Variants in NLRP2 observed in about 807,000 individuals in gnomAD.
NLRP2 encodes the protein NACHT, LRR and PYD domains-containing protein 2.
A neutral mutation model predicts 97.2 loss-of-function variants in NLRP2; 107 were observed. The observed-to-expected ratio is 1.10, with a 90% CI of 0.94 to 1.29. The LOEUF (loss-of-function observed/expected upper bound fraction) is 1.29, where lower values mean the gene tolerates loss of function less well. Among genes scored for constraint, NLRP2 ranks in the 50% most tolerant of loss-of-function variants. The pLI is 0.00. For missense variants in NLRP2, 1,495 were observed against 1,330.3 expected (o/e 1.12, Z -1.93); for synonymous variants, 663 against 551.5 (o/e 1.20, Z -2.83).
chr19:54,999,292 C>A (rs2073051262), intron 12 of NLRP2, among the ~76,000 whole-genome samples: 1 of 152,092 alleles, frequency 6.6e-6, no homozygotes, highest in Non-Finnish European at 1.5e-5. Context: ...GGACTACAGG[C>A]ATGTGCCACC....
At chr19:54,987,698 C>T (rs1360534863) in intron 8 of NLRP2, among the ~76,000 whole-genome samples, 1 of 150,338 alleles carries the variant, frequency 6.7e-6, no homozygotes, top group Non-Finnish European at 1.5e-5. Context: ...GCTGAGATCA[C>T]ACCACCGCAC....
Position 54,997,490 on chromosome 19 carries a change from A to T in NLRP2, c.3050+3A>T. The T allele has an allele frequency of 6.2e-7, 1 of 1,614,142 alleles. No individual in the cohort carries two copies. The highest frequency in any genetic ancestry group is 8.5e-7 in the Non-Finnish European group (1 of 1,180,002). On this transcript the variant is annotated splice_donor_region_variant and intron_variant, in intron 12 of 12. Coordinates refer to ENST00000448584, the MANE Select transcript of NLRP2 (RefSeq NM_017852.5). ...AGTGGCACCCTCCGGACACTCAGGT[A>T]TGATCCATTTACTTCCCCATCAGGC...
intron 2 of NLRP2, among the ~76,000 whole-genome samples, chr19:54,971,803 A>C (rs2070869866): frequency 6.6e-6 from 1 of 152,050 alleles, no homozygotes; most frequent in Non-Finnish European, 1.5e-5. Context: ...TAAAAATAAC[A>C]ATACAATAAA....
intron 1 of NLRP2, among the ~76,000 whole-genome samples, chr19:54,969,229 C>T (rs2070687565): frequency 6.6e-6 from 1 of 152,068 alleles, no homozygotes; most frequent in Admixed American, 6.6e-5. Context: ...ATTAGAAAAA[C>T]TAGCTGGGCA....
Position 54,990,513 on chromosome 19 carries a change from G to C in NLRP2, c.2549G>C (p.Cys850Ser), listed in dbSNP as rs1422671836. The C allele has an allele frequency of 6.2e-7, 1 of 1,614,162 alleles. No homozygotes were observed. Among genetic ancestry groups the C allele is most frequent in the South Asian group, 1.1e-5 (1 of 91,078 alleles). The change falls in exon 10 of 13, where the codon TGT becomes TCT. Residue 850 changes from cysteine (C) to serine (S), a missense_variant. Coordinates refer to ENST00000448584, the MANE Select transcript of NLRP2 (RefSeq NM_017852.5). ...CFLQRLSLEN[C>S]HLTEANCKDL... The stretch of plus-strand genomic sequence containing the variant: ...TGATTCTTTTGTAGGTTGGAAAACT[G>C]TCACCTTACAGAAGCCAATTGCAAG...
rs1185949518 is a variant in NLRP2 at position 54,983,653 on chromosome 19, A to T, written c.1955A>T (p.Lys652Ile). 1 of 1,614,138 alleles carries T rather than the reference A, an allele frequency of 6.2e-7. No individual in the cohort carries two copies. The change falls in exon 6 of 13, where the codon AAA (lysine) becomes ATA (isoleucine). Residue 652 changes from lysine (K) to isoleucine (I), a missense_variant. Lys to Ile is a moderately radical substitution (Grantham distance 102). Transcript: ENST00000448584. Reference protein sequence around the residue: ...FCVKHCRNLQKMSLQVIKENL... With the variant: ...FCVKHCRNLQIMSLQVIKENL... ...GTCAAGCACTGTCGAAACCTGCAGA[A>T]AATGTCACTGCAGGTAATAAAGGAG...
Position 54,983,004 on chromosome 19 carries a change from C to A in NLRP2, c.1306C>A (p.Arg436=), listed in dbSNP as rs368658601. The change falls in exon 6 of 13, where the codon CGG becomes AGG. Residue 436 remains arginine (R), a synonymous_variant. Coordinates refer to ENST00000448584, the MANE Select transcript of NLRP2 (RefSeq NM_017852.5). ...TGLFLRFLCS[R]FPQGAQLRGA... ...GCTGTTCCTGCGTTTCCTCTGCAGCCGGTTCCCGCAGGGCGCACAGCTGCG... is the reference window on the plus strand; with the variant it reads ...GCTGTTCCTGCGTTTCCTCTGCAGCAGGTTCCCGCAGGGCGCACAGCTGCG... The A allele has an allele frequency of 4.3e-6, 7 of 1,610,678 alleles. No homozygotes were observed. Among genetic ancestry groups the A allele is most frequent in the Non-Finnish European group, 5.1e-6 (6 of 1,179,438 alleles).
chr19:54,970,246 A>C lies in NLRP2; in HGVS notation c.231A>C (p.Glu77Asp). 6.2e-7 allele frequency: 1 copy of C among 1,614,198 alleles called. No individual in the cohort carries two copies. The highest frequency in any genetic ancestry group is 8.5e-7 in the Non-Finnish European group (1 of 1,180,030). ...WVEMASLQVF[E>D]KMHRMDLSER... ...AGATGGCGAGCCTCCAGGTCTTTGA[A>C]AAGATGCACCGAATGGATCTGTCTG... Residue 77 changes from glutamate to aspartate, a missense_variant, in exon 2 of 13, where the codon GAA (glutamate) becomes GAC (aspartate). Coordinates refer to ENST00000448584, the MANE Select transcript of NLRP2 (RefSeq NM_017852.5).
rs980219678 is a variant in NLRP2 at position 54,973,458 on chromosome 19, C to G, written c.281-1042C>G. On this transcript the variant is annotated intron_variant, in intron 2 of 12. Coordinates refer to ENST00000448584, the MANE Select transcript of NLRP2 (RefSeq NM_017852.5). Reference sequence around the variant, plus strand: ...TGGCGCGATCTCGGCTCACTGTGACCTCCTCCTCCCAGGTTTAAGTGATTC... The same window carrying G: ...TGGCGCGATCTCGGCTCACTGTGACGTCCTCCTCCCAGGTTTAAGTGATTC... 4.7e-5 allele frequency among the ~76,000 whole-genome samples: 7 copies of G among 149,928 alleles called. No homozygotes were observed. The East Asian group carries it at 1.2e-3, about 26-fold the overall frequency.
At position 54,970,118 on chromosome 19, in the gene NLRP2, C is replaced by T. The variant is rs140778052; in HGVS notation, c.103C>T (p.Leu35=). The T allele has an allele frequency of 7.3e-4, 1,181 of 1,614,098 alleles. 1 individual carries two copies. The highest frequency in any genetic ancestry group is 9.3e-4 in the Non-Finnish European group (1,097 of 1,180,028). The change falls in exon 2 of 13, where the codon CTG becomes TTG. Residue 35 remains leucine (L), a synonymous_variant. Coordinates refer to ENST00000448584, the MANE Select transcript of NLRP2 (RefSeq NM_017852.5). ...CAAGTATCTGATCACGACCTTCTCC[C>T]TGGCACACGAGCTCCAGAAGATCCC... ...KFKYLITTFS[L]AHELQKIPHK...
chr19:54,994,056 A>G, intron 10 of NLRP2: 1 of 643,678 alleles, frequency 1.6e-6, no homozygotes, highest in South Asian at 1.8e-5. Flanking sequence ...AGTCACCTCT[A>G]CGAGGTCCCT....
At chr19:54,987,386 T>C (rs1165897885) in intron 8 of NLRP2, among the ~76,000 whole-genome samples, 1 of 152,190 alleles carries the variant, frequency 6.6e-6, no homozygotes, top group East Asian at 1.9e-4. Flanking sequence ...GCCCAGGCGA[T>C]GAGAACCTAC....
At chr19:54,972,102 A>G (rs1162351679) in intron 2 of NLRP2, among the ~76,000 whole-genome samples, 2 of 148,840 alleles carry the variant, frequency 1.3e-5, no homozygotes, top group Non-Finnish European at 3.0e-5. Flanking sequence ...TCGGCCTCCC[A>G]AAGTGTTGGG....
chr19:54,968,735 C>T (rs1241072146), intron 1 of NLRP2, among the ~76,000 whole-genome samples: 1 of 103,318 alleles, frequency 9.7e-6, no homozygotes, highest in Admixed American at 1.0e-4. Flanking sequence ...ACTCTTGTCG[C>T]CCCAGGCTGG....
At chr19:54,976,751 C>G (rs1455512060) in intron 3 of NLRP2, 5 of 428,688 alleles carry the variant, frequency 1.2e-5, no homozygotes, top group Admixed American at 8.4e-5. Context: ...ATGGACTCAC[C>G]TCTTCATTAT....
chr19:55,000,584 C>T (rs1214329621), intron 12 of NLRP2, among the ~76,000 whole-genome samples, 176 bp from the exon 13 acceptor site: 1 of 140,614 alleles, frequency 7.1e-6, no homozygotes, highest in African/African-American at 2.7e-5. Flanking sequence ...CCACCTGAGA[C>T]TGTCTTTTAA....
chr19:54,968,704 T>C (rs1440171738), intron 1 of NLRP2, among the ~76,000 whole-genome samples: 1 of 83,202 alleles, frequency 1.2e-5, no homozygotes, highest in Non-Finnish European at 2.8e-5. Context: ...TTTAAGCCTT[T>C]TTTTTTTTTG....
intron 1 of NLRP2, among the ~76,000 whole-genome samples, chr19:54,968,253 G>A (rs1329223451): frequency 2.0e-5 from 3 of 151,822 alleles, no homozygotes; most frequent in East Asian, 1.9e-4. Flanking sequence ...GTCTTAAGTT[G>A]CCAGGCTGGT....
At chr19:54,969,657 A>T (rs116324083) in intron 1 of NLRP2, among the ~76,000 whole-genome samples, 4,356 of 152,206 alleles carry the variant, frequency 0.029, 210 homozygotes, top group African/African-American at 0.099. Flanking sequence ...TATCTCAAAA[A>T]TAAGTAAATA....
Sources: allele counts gnomAD v4.1 joint callset (sites outside exome capture counted in the v4.1 genomes callset), GRCh38; gene constraint gnomAD v4.1.1; transcripts MANE v1.5; gene names NCBI Gene and HGNC (gene_info 2026-07-23, HGNC 2026-07-21).